Variants in CTNND2 observed in about 807,000 individuals in gnomAD.
CTNND2 encodes catenin delta-2.
CTNND2 carries 22 observed loss-of-function variants against 144.4 expected under a neutral mutation model. The observed-to-expected ratio is 0.15, with a 90% CI of 0.11 to 0.22. CTNND2 has a LOEUF of 0.22. CTNND2 is among the 10% of genes least tolerant of loss of function. CTNND2 has a pLI of 1.00. For missense variants in CTNND2, 1,353 were observed against 1,618.8 expected, an observed-to-expected ratio of 0.84 and a Z score of 2.82; for synonymous variants, 751 against 695.6, an observed-to-expected ratio of 1.08 and a Z score of -1.25.
At chr5:11,850,954 T>C (rs1285371899) in intron 1 of CTNND2, among the ~76,000 whole-genome samples, 5 of 152,230 alleles carry the variant, frequency 3.3e-5, no homozygotes, top group Admixed American at 3.3e-4. Flanking sequence ...ATAGTTACAA[T>C]CAGCTAACTT....
intron 9 of CTNND2, among the ~76,000 whole-genome samples, chr5:11,326,136 C>T (rs533454060): frequency 1.3e-5 from 2 of 152,260 alleles, no homozygotes; most frequent in East Asian, 3.9e-4. Context: ...TTCCTTTTAC[C>T]CCTCCCTTGA....
chr5:11,089,350 A>G (rs763855656), intron 15 of CTNND2, among the ~76,000 whole-genome samples: 31 of 152,090 alleles, frequency 2.0e-4, no homozygotes, highest in Non-Finnish European at 4.4e-4. Flanking sequence ...GTGCTTCCTC[A>G]CCTCCTCCAC....
intron 1 of CTNND2, among the ~76,000 whole-genome samples, chr5:11,789,920 A>G (rs1399315369): frequency 1.3e-5 from 2 of 152,186 alleles, no homozygotes; most frequent in Non-Finnish European, 2.9e-5. Context: ...AAGATTGGGT[A>G]TTACACGTTA....
At chr5:11,422,613 C>G (rs1762463766) in intron 3 of CTNND2, among the ~76,000 whole-genome samples, 1 of 147,662 alleles carries the variant, frequency 6.8e-6, no homozygotes. Flanking sequence ...TGCGGGCCAG[C>G]CAGCTACAGC....
intron 1 of CTNND2, among the ~76,000 whole-genome samples, chr5:11,776,128 G>A (rs1460763269): frequency 6.6e-6 from 1 of 152,158 alleles, no homozygotes; most frequent in Non-Finnish European, 1.5e-5. Context: ...TAAATTTCTA[G>A]TGTTGTACAC....
At chr5:11,317,791 C>A (rs940664365) in intron 9 of CTNND2, among the ~76,000 whole-genome samples, 1 of 151,956 alleles carries the variant, frequency 6.6e-6, no homozygotes, top group Non-Finnish European at 1.5e-5. Context: ...GCTCAAGTAA[C>A]CCTAAAATTA....
intron 5 of CTNND2, among the ~76,000 whole-genome samples, chr5:11,405,782 A>T (rs1462358428): frequency 2.0e-5 from 3 of 152,066 alleles, no homozygotes; most frequent in African/African-American, 7.2e-5. Context: ...TAGGGGGGGA[A>T]GTGAGTGTAA....
intron 1 of CTNND2, among the ~76,000 whole-genome samples, chr5:11,860,080 A>G (rs1007726213): frequency 6.6e-6 from 1 of 152,230 alleles, no homozygotes; most frequent in Non-Finnish European, 1.5e-5. Context: ...AATCGGATTA[A>G]ATATCTAAAA....
chr5:11,406,909 CAG>C (rs1181665711), intron 5 of CTNND2, among the ~76,000 whole-genome samples: 2 of 151,860 alleles, frequency 1.3e-5, no homozygotes, highest in Non-Finnish European at 2.9e-5. Context: ...TAAAATATGA[CAG>C]AATTTCAATT....
chr5:11,853,352 G>C (rs1795103576), intron 1 of CTNND2, among the ~76,000 whole-genome samples: 1 of 151,992 alleles, frequency 6.6e-6, no homozygotes, highest in Admixed American at 6.6e-5. Flanking sequence ...CTACTTCACT[G>C]GCCACTTCTC....
intron 12 of CTNND2, among the ~76,000 whole-genome samples, chr5:11,118,072 T>C (rs576137734): frequency 6.6e-6 from 1 of 152,354 alleles, no homozygotes; most frequent in East Asian, 1.9e-4. Context: ...TGTGACAATT[T>C]AGTCATTGGG....
At chr5:11,113,743 G>A (rs747067457) in intron 13 of CTNND2, among the ~76,000 whole-genome samples, 27 of 152,336 alleles carry the variant, frequency 1.8e-4, no homozygotes, top group Non-Finnish European at 3.7e-4. Context: ...AGCTAAAGCT[G>A]TGAGTACCTC....
chr5:11,409,669 G>A (rs1307804436), intron 5 of CTNND2, among the ~76,000 whole-genome samples: 2 of 151,958 alleles, frequency 1.3e-5, no homozygotes, highest in African/African-American at 4.8e-5. Context: ...CTTTGGCCCT[G>A]CTAAGTGATT....
At chr5:11,117,134 TAAAA>T (rs75199991) in intron 13 of CTNND2, among the ~76,000 whole-genome samples, 23 of 146,072 alleles carry the variant, frequency 1.6e-4, no homozygotes, top group African/African-American at 5.7e-4. Context: ...TGGATTACAT[TAAAA>T]AAAAAAAACT....
intron 21 of CTNND2, among the ~76,000 whole-genome samples, chr5:10,974,317 C>T (rs905169540): frequency 2.6e-5 from 4 of 152,138 alleles, no homozygotes; most frequent in Admixed American, 2.6e-4. Flanking sequence ...TGCATTGCTC[C>T]ACTGATGAAT....
intron 10 of CTNND2, among the ~76,000 whole-genome samples, chr5:11,205,737 G>A (rs1270838203): frequency 6.6e-6 from 1 of 152,148 alleles, no homozygotes; most frequent in South Asian, 2.1e-4. Context: ...TAATTTTTTA[G>A]TAGAAATTAT....
intron 9 of CTNND2, among the ~76,000 whole-genome samples, chr5:11,247,252 G>A (rs1026006869): frequency 1.3e-5 from 2 of 152,190 alleles, no homozygotes; most frequent in Non-Finnish European, 2.9e-5. Flanking sequence ...CAGGGACAGA[G>A]GGTGTTGAGA....
chr5:11,513,583 G>A (rs957068824), intron 3 of CTNND2, among the ~76,000 whole-genome samples: 5 of 152,028 alleles, frequency 3.3e-5, no homozygotes, highest in Non-Finnish European at 7.4e-5. Flanking sequence ...CTCTATTACA[G>A]AAAAATAGAA....
chr5:11,257,987 C>T lies in CTNND2; in HGVS notation c.1629-21164G>A, dbSNP rs751770042. On this transcript the variant is annotated intron_variant, in intron 9 of 21. Transcript: ENST00000304623. ...CCATCGGGGAATAGAGCTGGTGCAGCGCTTTCAGTTCATTGTACTCCTGGG... is the reference window on the plus strand; with the variant it reads ...CCATCGGGGAATAGAGCTGGTGCAGTGCTTTCAGTTCATTGTACTCCTGGG... Among the ~76,000 whole-genome samples the T allele has an allele frequency of 6.6e-5, 10 of 152,304 alleles. No individual in the cohort carries two copies. The Middle Eastern group carries it at 0.014, about 207-fold the overall frequency.
Sources: allele counts gnomAD v4.1 joint callset (sites outside exome capture counted in the v4.1 genomes callset), GRCh38; gene constraint gnomAD v4.1.1; transcripts MANE v1.5; gene names NCBI Gene and HGNC (gene_info 2026-07-23, HGNC 2026-07-21).